MRPL47: variants seen among roughly 807,000 people sequenced by gnomAD.
The protein encoded by MRPL47 is large ribosomal subunit protein uL29m.
MRPL47 carries 31 observed loss-of-function variants against 34.0 expected under a neutral mutation model. The observed-to-expected ratio is 0.91, with a 90% CI of 0.68 to 1.23. The LOEUF (loss-of-function observed/expected upper bound fraction) is 1.23. Among genes scored for constraint, MRPL47 ranks in the 50% most tolerant of loss-of-function variants. MRPL47 has a pLI of 0.00. For synonymous variants in MRPL47, 106 were observed against 101.6 expected (o/e 1.04, Z -0.26); for missense variants, 328 against 285.8 (o/e 1.15, Z -1.07).
intron 6 of MRPL47, among the ~76,000 whole-genome samples, chr3:179,589,296 G>A (rs1718609293): frequency 6.6e-6 from 1 of 152,130 alleles, no homozygotes; most frequent in African/African-American, 2.4e-5. Context: ...TCATCTCTTA[G>A]CAGAGTGTTA....
chr3:179,599,092 C>G (rs1004469007), intron 3 of MRPL47, among the ~76,000 whole-genome samples: 2 of 151,452 alleles, frequency 1.3e-5, no homozygotes, highest in Non-Finnish European at 2.9e-5. Context: ...TTGCTTGAGC[C>G]TAGGAATTTG....
chr3:179,597,536 C>T (rs988560694), intron 4 of MRPL47, among the ~76,000 whole-genome samples: 2 of 152,158 alleles, frequency 1.3e-5, no homozygotes, highest in Admixed American at 1.3e-4. Context: ...CGGCCAGGCA[C>T]GATGACTCAC....
chr3:179,599,161 T>C (rs956707410), intron 3 of MRPL47, among the ~76,000 whole-genome samples: 1 of 149,672 alleles, frequency 6.7e-6, no homozygotes, highest in Non-Finnish European at 1.5e-5. Flanking sequence ...AAGTGAGATC[T>C]TGCTTCAAAA....
intron 4 of MRPL47, among the ~76,000 whole-genome samples, chr3:179,598,425 C>CACACACACACACAA (rs1718841949): frequency 1.6e-5 from 2 of 125,910 alleles, no homozygotes; most frequent in Non-Finnish European, 1.6e-5. Context: ...CACACACACA[C>CACACACACACACAA]AAACAAAAAA....
chr3:179,596,602 T>C (rs891753637), intron 4 of MRPL47, among the ~76,000 whole-genome samples: 4 of 152,226 alleles, frequency 2.6e-5, no homozygotes, highest in East Asian at 1.9e-4. Flanking sequence ...CAAAAGCTTT[T>C]TCATCAAATA....
At chr3:179,592,166 T>C (rs969139922) in intron 6 of MRPL47, among the ~76,000 whole-genome samples, 2 of 151,168 alleles carry the variant, frequency 1.3e-5, no homozygotes, top group Non-Finnish European at 2.9e-5. Context: ...AGCTTATATA[T>C]GACTTCAATT....
rs1560016705 is a variant in MRPL47 at position 179,588,802 on chromosome 3, T to G, written c.*70A>C. 1.1e-5 allele frequency: 16 copies of G among 1,423,472 alleles called. No homozygotes were observed. Among genetic ancestry groups the G allele is most frequent in the Non-Finnish European group, 1.5e-5 (16 of 1,050,082 alleles). 88.2% of individuals were successfully genotyped at this position (1,423,472 alleles called of 1,614,324 possible). A position where few individuals can be genotyped will look rare whatever the true frequency, so the allele number is the denominator to read the frequency against. ...AAAACAGAATTTCTTTATAAACCACTTAACATATTTACTCCTGTACACAGA... is the reference window on the plus strand; with the variant it reads ...AAAACAGAATTTCTTTATAAACCACGTAACATATTTACTCCTGTACACAGA... On this transcript the variant is annotated 3_prime_UTR_variant, in exon 7 of 7. Coordinates refer to ENST00000476781, the MANE Select transcript of MRPL47 (RefSeq NM_020409.3).
In MRPL47 at chr3:179,604,597, A is replaced by C. The variant is rs2339844; in HGVS notation, c.28T>G (p.Cys10Gly). MAAAGLALLCRRVSSALKSS... is the reference protein window; with the variant it reads MAAAGLALLGRRVSSALKSS... ...TTCAGGGCGGATGAAACTCTCCTAC[A>C]AAGAAGGGCCAAACCGGCCGCAGCC... The change falls in exon 1 of 7, where the codon TGT becomes GGT. Residue 10 changes from cysteine to glycine, a missense_variant. Physicochemically the swap from Cys to Gly is radical, Grantham distance 159. Transcript: ENST00000476781. 138,736 of 1,614,094 alleles carry C rather than the reference A, an allele frequency of 0.086. 6,803 individuals carry two copies. The highest frequency in any genetic ancestry group is 0.17 in the South Asian group (15,491 of 91,076).
intron 3 of MRPL47, among the ~76,000 whole-genome samples, chr3:179,599,441 T>C (rs1718876092): frequency 6.6e-6 from 1 of 152,254 alleles, no homozygotes; most frequent in South Asian, 2.1e-4. Flanking sequence ...TACACTTATT[T>C]CATCTAGTTT....
Position 179,588,595 on chromosome 3 carries a change from A to G in MRPL47, c.*277T>C, listed in dbSNP as rs1718582668. ...TGCCTTTGCTGTGGCAGTTACCATCACCTTCACACTCTAAGGTAGCAGGTG... is the reference window on the plus strand; with the variant it reads ...TGCCTTTGCTGTGGCAGTTACCATCGCCTTCACACTCTAAGGTAGCAGGTG... On this transcript the variant is annotated 3_prime_UTR_variant, in exon 7 of 7. Coordinates refer to ENST00000476781, the MANE Select transcript of MRPL47 (RefSeq NM_020409.3). 1 of 238,448 alleles carries G rather than the reference A, an allele frequency of 4.2e-6. No homozygotes were observed. Among genetic ancestry groups the G allele is most frequent in the African/African-American group, 2.2e-5 (1 of 44,512 alleles). The allele number at this position is 238,448 out of a possible 1,614,324, so 14.8% of individuals were successfully genotyped here. A position where few individuals can be genotyped will look rare whatever the true frequency, so the allele number is the denominator to read the frequency against.
intron 4 of MRPL47, among the ~76,000 whole-genome samples, chr3:179,597,162 CTG>C (rs1377355733): frequency 6.6e-6 from 1 of 152,124 alleles, no homozygotes; most frequent in Non-Finnish European, 1.5e-5. Context: ...TGTAATTTTT[CTG>C]TGAGTCTAAT....
chr3:179,595,200 C>G (rs1336693940), intron 4 of MRPL47, among the ~76,000 whole-genome samples: 1 of 151,994 alleles, frequency 6.6e-6, no homozygotes, highest in African/African-American at 2.4e-5. Flanking sequence ...CATGCACCAC[C>G]ACACCCGACT....
At chr3:179,594,005 A>G in intron 4 of MRPL47, 110 bp from the exon 5 acceptor site, 1 of 995,264 alleles carries the variant, frequency 1.0e-6, no homozygotes, top group Non-Finnish European at 1.5e-6. Flanking sequence ...TATTTATGCC[A>G]AAGAACCACT....
chr3:179,596,060 C>T (rs1021080515), intron 4 of MRPL47, among the ~76,000 whole-genome samples: 2 of 152,166 alleles, frequency 1.3e-5, no homozygotes, highest in African/African-American at 4.8e-5. Flanking sequence ...TAAATAGATA[C>T]TAATACTCTG....
intron 1 of MRPL47, among the ~76,000 whole-genome samples, 182 bp from the exon 2 acceptor site, chr3:179,602,979 C>G (rs559464436): frequency 6.6e-6 from 1 of 152,014 alleles, no homozygotes; most frequent in Non-Finnish European, 1.5e-5. Context: ...ACTATGTTGT[C>G]CAGGCTGGTC....
chr3:179,589,685 A>G (rs939588071), intron 6 of MRPL47, among the ~76,000 whole-genome samples: 1 of 148,640 alleles, frequency 6.7e-6, no homozygotes, highest in Non-Finnish European at 1.5e-5. Context: ...TTTTGGGGGG[A>G]AAAAAGACAA....
chr3:179,601,666 T>C lies in MRPL47; in HGVS notation c.305+64A>G. 7.2e-6 allele frequency: 7 copies of C among 976,422 alleles called. No individual in the cohort carries two copies. The South Asian group carries it at 9.5e-5, about 13-fold the overall frequency. 60.5% of individuals were successfully genotyped at this position (976,422 alleles called of 1,614,324 possible). On this transcript the variant is annotated intron_variant, in intron 3 of 6. Transcript: ENST00000476781. The stretch of plus-strand genomic sequence containing the variant: ...ATTTCTTATATCAGATAGATTGTTT[T>C]CACCTCATTGTTACACTATAACGGC...
intron 6 of MRPL47, 98 bp downstream of exon 6, chr3:179,592,546 A>G (rs1210990941): frequency 1.4e-5 from 10 of 718,452 alleles, no homozygotes; most frequent in Non-Finnish European, 2.1e-5. Context: ...TAAAATTTAA[A>G]GACAGCTTAA....
intron 5 of MRPL47, among the ~76,000 whole-genome samples, chr3:179,593,426 T>C (rs952202733): frequency 1.3e-5 from 2 of 152,206 alleles, no homozygotes; most frequent in South Asian, 2.1e-4. Flanking sequence ...TGAAGTGATA[T>C]GTGTACATGT....
Sources: allele counts gnomAD v4.1 joint callset (sites outside exome capture counted in the v4.1 genomes callset), GRCh38; gene constraint gnomAD v4.1.1; transcripts MANE v1.5; gene names NCBI Gene and HGNC (gene_info 2026-07-23, HGNC 2026-07-21).